The following CCND3 variants were observed in gnomAD, a reference collection of about 807,000 sequenced individuals.
CCND3 encodes cyclin D3, also known as G1/S-specific cyclin-D3.
CCND3 carries 9 observed loss-of-function variants against 28.7 expected under a neutral mutation model. The ratio of observed to expected loss-of-function variants is 0.31; its 90% CI spans 0.19 to 0.55. The LOEUF (loss-of-function observed/expected upper bound fraction) is 0.55, where lower values mean the gene tolerates loss of function less well. Among genes scored for constraint, CCND3 ranks in the 20% least tolerant of loss-of-function variants. The pLI is 0.93. For missense variants in CCND3, 315 were observed against 385.8 expected, an observed-to-expected ratio of 0.82 and a Z score of 1.54; for synonymous variants, 164 against 163.9, an observed-to-expected ratio of 1.00 and a Z score of 0.00.
intron 1 of CCND3, among the ~76,000 whole-genome samples, chr6:41,972,240 A>AAAAAAAAAAAAAAAAAAAGAAAAG (rs1554162050): frequency 1.0e-5 from 1 of 99,738 alleles, no homozygotes; most frequent in African/African-American, 3.9e-5. Context: ...AAAAAAAAAA[A>AAAAAAAAAAAAAAAAAAAGAAAAG]AAAAGAAAAG....
At chr6:42,006,907 CAA>C (rs34010973) in intron 1 of CCND3, among the ~76,000 whole-genome samples, 7 of 115,892 alleles carry the variant, frequency 6.0e-5, no homozygotes, top group East Asian at 2.5e-4. Flanking sequence ...GACTCTGTCT[CAA>C]AAAAAAAAAA....
chr6:42,009,899 C>T (rs139629334), intron 1 of CCND3, among the ~76,000 whole-genome samples: 1 of 152,256 alleles, frequency 6.6e-6, no homozygotes, highest in East Asian at 1.9e-4. Flanking sequence ...GCATCAACAA[C>T]TTAGAAATGC....
At chr6:41,996,142 TTTTTG>T (rs201778428) in intron 1 of CCND3, among the ~76,000 whole-genome samples, 652 of 53,112 alleles carry the variant, frequency 0.012, 3 homozygotes, top group Admixed American at 0.027. Flanking sequence ...ATATATATTT[TTTTTG>T]TTTGTTTGTT....
Position 41,957,051 on chromosome 6 carries a change from C to A in CCND3, c.-45-16466G>T, listed in dbSNP as rs1004238954. On this transcript the variant is annotated intron_variant, in intron 1 of 4. Transcript: ENST00000372988. The stretch of plus-strand genomic sequence containing the variant: ...GTCTCAAAACAAACAAACAAACAAA[C>A]AAAAAACAATGGTTTAAGTTACTAA... 9.6e-4 allele frequency among the ~76,000 whole-genome samples: 146 copies of A among 151,812 alleles called. 4 individuals carry two copies. The highest frequency in any genetic ancestry group is 1.5e-4 in the Non-Finnish European group (10 of 67,834).
chr6:41,957,683 G>T (rs878881812), intron 1 of CCND3, among the ~76,000 whole-genome samples: 36 of 152,252 alleles, frequency 2.4e-4, no homozygotes, highest in Middle Eastern at 3.4e-3. Context: ...AGTTCCAAAG[G>T]TTAACCTGCT....
At chr6:41,956,295 A>T (rs113725823) in intron 1 of CCND3, among the ~76,000 whole-genome samples, 29,479 of 152,152 alleles carry the variant, frequency 0.19, 3,571 homozygotes, top group Middle Eastern at 0.35. Flanking sequence ...CCTTCTCAAA[A>T]AAAATAAAAT....
intron 1 of CCND3, among the ~76,000 whole-genome samples, chr6:41,977,260 T>G (rs1405281232): frequency 6.6e-6 from 1 of 152,164 alleles, no homozygotes; most frequent in African/African-American, 2.4e-5. Context: ...TGTTGCCAAG[T>G]AAGGTTATGA....
chr6:41,984,644 G>A (rs73426279), intron 1 of CCND3, among the ~76,000 whole-genome samples: 10,076 of 152,224 alleles, frequency 0.066, 693 homozygotes, highest in African/African-American at 0.17. Flanking sequence ...CACCACTCTC[G>A]GCGGGTAGTT....
In CCND3 at chr6:41,941,654, G is replaced by A. The variant is rs754142894; in HGVS notation, c.-5C>T. On this transcript the variant is annotated 5_prime_UTR_variant, in exon 1 of 5. Transcript: ENST00000372991. This position sits in a 1 kb window ranked among gnomAD's most constrained non-coding sequence, Gnocchi z 6.1. ...TTCGCAACACAGCAGCTCCATACTCGGGCAGCGAACAGGCAGGGCGGGAGT... is the reference window on the plus strand; with the variant it reads ...TTCGCAACACAGCAGCTCCATACTCAGGCAGCGAACAGGCAGGGCGGGAGT... 30 of 1,433,414 alleles carry A rather than the reference G, an allele frequency of 2.1e-5. No homozygotes were observed. Among genetic ancestry groups the A allele is most frequent in the South Asian group, 2.8e-5 (2 of 71,894 alleles). The allele number at this position is 1,433,414 out of a possible 1,614,324, so 88.8% of individuals were successfully genotyped here. A position where few individuals can be genotyped will look rare whatever the true frequency, so the allele number is the denominator to read the frequency against.
chr6:41,974,900 C>A (rs1380283874), intron 1 of CCND3, among the ~76,000 whole-genome samples: 1 of 147,858 alleles, frequency 6.8e-6, no homozygotes, highest in African/African-American at 2.5e-5. Context: ...TCAAGCGATT[C>A]TCCTGCCTCA....
chr6:42,017,622 C>T (rs1453896382), intron 1 of CCND3, among the ~76,000 whole-genome samples: 1 of 152,202 alleles, frequency 6.6e-6, no homozygotes, highest in Non-Finnish European at 1.5e-5. Context: ...GGGTCCCAAT[C>T]AGCCTGTGAG....
chr6:41,964,342 ATGTG>A (rs763735256), intron 1 of CCND3, among the ~76,000 whole-genome samples: 4,721 of 124,458 alleles, frequency 0.038, 250 homozygotes, highest in African/African-American at 0.12. Flanking sequence ...GTGTGTGTGA[ATGTG>A]TGTGAGTCTG....
intron 1 of CCND3, among the ~76,000 whole-genome samples, chr6:41,989,360 C>A (rs1479095936): frequency 1.4e-5 from 2 of 142,454 alleles, no homozygotes; most frequent in African/African-American, 5.2e-5. Context: ...GAGACTGAGG[C>A]AGGAGAATCG....
In CCND3 at chr6:41,936,206, G is replaced by T; in HGVS notation, c.712-99C>A. ...AGCTCCCAACACATGGGGAAGTCTG[G>T]GGAGGTTAGGCCACAGCCCGGCCCC... On this transcript the variant is annotated intron_variant, in intron 4 of 4. Transcript: ENST00000372991. This position sits in a 1 kb window ranked among gnomAD's most constrained non-coding sequence, Gnocchi z 4.4. 1 of 1,341,830 alleles carries T rather than the reference G, an allele frequency of 7.5e-7. No individual in the cohort carries two copies. The highest frequency in any genetic ancestry group is 1.0e-6 in the Non-Finnish European group (1 of 989,814). 83.1% of individuals were successfully genotyped at this position (1,341,830 alleles called of 1,614,324 possible).
intron 1 of CCND3, among the ~76,000 whole-genome samples, chr6:41,965,058 C>CTTT (rs56138276): frequency 1.2e-5 from 1 of 82,094 alleles, no homozygotes; most frequent in Non-Finnish European, 2.1e-5. Flanking sequence ...TTTCACGTTG[C>CTTT]TTTTTTTTTT....
chr6:41,948,585 T>C (rs898610705), intron 1 of CCND3, among the ~76,000 whole-genome samples: 1 of 152,040 alleles, frequency 6.6e-6, no homozygotes, highest in East Asian at 1.9e-4. Context: ...ACGCCTGTAA[T>C]CCCAGCACTT....
chr6:42,047,054 T>G (rs1764566463), intron 1 of CCND3, among the ~76,000 whole-genome samples: 1 of 152,224 alleles, frequency 6.6e-6, no homozygotes. Context: ...GAGGTTTAAA[T>G]GAGATATGAT....
intron 1 of CCND3, among the ~76,000 whole-genome samples, chr6:42,027,687 C>T (rs1179109719): frequency 3.3e-5 from 5 of 152,136 alleles, no homozygotes; most frequent in Non-Finnish European, 5.9e-5. Context: ...TCACTGCTCA[C>T]CAGCTGTGTA....
intron 1 of CCND3, among the ~76,000 whole-genome samples, chr6:42,013,475 C>A (rs1288081147): frequency 1.3e-5 from 2 of 152,154 alleles, no homozygotes; most frequent in Non-Finnish European, 2.9e-5. Context: ...ACACCTAGAA[C>A]AAACAAGTCT....
Sources: gnomAD v4.1 joint callset for allele counts (sites outside exome capture counted in the v4.1 genomes callset) on GRCh38, gnomAD v4.1.1 for gene constraint, Gnocchi (gnomAD v3.1) non-coding constraint, MANE v1.5 for transcripts, NCBI Gene and HGNC (gene_info 2026-07-23, HGNC 2026-07-21) for gene names.